Variants in CCDC66 observed in about 807,000 individuals in gnomAD.
CCDC66 encodes coiled-coil domain-containing protein 66.
In CCDC66, 133 loss-of-function variants were observed where a neutral mutation model predicts 128.3. That is an observed-to-expected ratio of 1.04 (90% CI 0.90 to 1.20). The LOEUF (loss-of-function observed/expected upper bound fraction) is 1.20, where lower values mean the gene tolerates loss of function less well. Ranked by LOEUF, CCDC66 falls within the 50% of genes most tolerant of loss-of-function variation. The pLI, the probability that CCDC66 is intolerant of heterozygous loss-of-function variation, is 0.00. For synonymous variants in CCDC66, 387 were observed against 357.0 expected (o/e 1.08, Z -0.95); for missense variants, 1,126 against 1,075.5 (o/e 1.05, Z -0.66).
rs769799381 is a variant in CCDC66 at position 56,615,132 on chromosome 3, T to A, written c.1571T>A (p.Ile524Asn). ...DILKQKQKEE[I>N]MTLKTNELFQ... ...GTAACACATCAATATTGACAGGAAA[T>A]CATGACTCTCAAGACAAATGAGCTA... is the stretch of plus-strand genomic sequence containing the variant. Residue 524 changes from isoleucine (I) to asparagine (N), a missense_variant, in exon 12 of 18, where the codon ATC becomes AAC. Ile to Asn is a moderately radical substitution (Grantham distance 149). Transcript: ENST00000394672. 12 of 1,613,180 alleles carry A rather than the reference T, an allele frequency of 7.4e-6. No individual in the cohort carries two copies. Among genetic ancestry groups the A allele is most frequent in the Admixed American group, 1.7e-5 (1 of 59,830 alleles).
chr3:56,619,204 T>G, intron 15 of CCDC66, 67 bp from the exon 16 acceptor site: 1 of 1,278,470 alleles, frequency 7.8e-7, no homozygotes. Context: ...ATAAATAAAG[T>G]GAAATGTGAT....
At chr3:56,605,262 C>T (rs1480086180) in intron 10 of CCDC66, among the ~76,000 whole-genome samples, 1 of 152,034 alleles carries the variant, frequency 6.6e-6, no homozygotes, top group Non-Finnish European at 1.5e-5. Flanking sequence ...CTTCTGAAGC[C>T]TTCTTCTGTC....
intron 10 of CCDC66, among the ~76,000 whole-genome samples, chr3:56,600,936 C>G (rs184583192): frequency 1.2e-4 from 18 of 152,134 alleles, no homozygotes; most frequent in Admixed American, 3.9e-4. Flanking sequence ...GTTGCCTGTT[C>G]ACTCTGATGA....
At chr3:56,571,942 A>G (rs1250535777) in intron 7 of CCDC66, among the ~76,000 whole-genome samples, 3 of 152,080 alleles carry the variant, frequency 2.0e-5, no homozygotes, top group African/African-American at 4.8e-5. Context: ...GCTGGTGTCA[A>G]ACTTCTGACC....
At chr3:56,614,223 A>G (rs1158724340) in intron 11 of CCDC66, among the ~76,000 whole-genome samples, 1 of 152,232 alleles carries the variant, frequency 6.6e-6, no homozygotes, top group African/African-American at 2.4e-5. Context: ...TTCACATGAT[A>G]TAGTTCTCAA....
chr3:56,587,716 A>G (rs572168292), intron 7 of CCDC66, among the ~76,000 whole-genome samples: 93 of 152,262 alleles, frequency 6.1e-4, no homozygotes, highest in African/African-American at 2.2e-3. Flanking sequence ...TAAAAATACA[A>G]AAATTAGCCA....
In CCDC66 at chr3:56,621,818, TAA is replaced by T. The variant is rs11401064; in HGVS notation, c.*218_*219del. On this transcript the variant is annotated 3_prime_UTR_variant, in exon 18 of 18. Transcript: ENST00000394672. ...TACTTCTTTTGTAAAAGCTTAGTAGTAAAAAAAAAAAAAAAAAAACCGGTTCT... is the reference window on the plus strand; with the variant it reads ...TACTTCTTTTGTAAAAGCTTAGTAGTAAAAAAAAAAAAAAAAACCGGTTCT... The T allele has an allele frequency of 1.5e-3, 200 of 133,976 alleles. No homozygotes were observed. Among genetic ancestry groups the T allele is most frequent in the East Asian group, 4.3e-3 (22 of 5,060 alleles). The allele number at this position is 133,976 out of a possible 1,614,324, so 8.3% of individuals were successfully genotyped here.
At chr3:56,599,306 G>A (rs540073870) in intron 10 of CCDC66, among the ~76,000 whole-genome samples, 65 of 151,560 alleles carry the variant, frequency 4.3e-4, no homozygotes, top group African/African-American at 1.5e-3. Context: ...TTCTCTCTTC[G>A]GTTCTTGGTT....
intron 3 of CCDC66, among the ~76,000 whole-genome samples, chr3:56,562,641 A>T (rs1333574970): frequency 6.6e-6 from 1 of 151,680 alleles, no homozygotes; most frequent in Admixed American, 6.6e-5. Context: ...ATATATATAT[A>T]TTTTGTTTGT....
Position 56,613,718 on chromosome 3 carries a change from G to A in CCDC66, c.1534G>A (p.Glu512Lys). ...QEREEMQKQY[E>K]EDILKQKQKE... ...ACGTGAAGAGATGCAGAAACAGTAT[G>A]AAGAAGACATACTTAAGCAAAAACA... is the stretch of plus-strand genomic sequence containing the variant. Residue 512 changes from glutamate to lysine, a missense_variant, in exon 11 of 18, where the codon GAA (glutamate) becomes AAA (lysine). Glu to Lys is a moderately conservative substitution (Grantham distance 56). Coordinates refer to ENST00000394672, the MANE Select transcript of CCDC66 (RefSeq NM_001141947.3). 2 of 1,612,260 alleles carry A rather than the reference G, an allele frequency of 1.2e-6. No homozygotes were observed. The highest frequency in any genetic ancestry group is 1.7e-6 in the Non-Finnish European group (2 of 1,179,460).
At chr3:56,576,923 T>C (rs2067475275) in intron 7 of CCDC66, among the ~76,000 whole-genome samples, 1 of 151,870 alleles carries the variant, frequency 6.6e-6, no homozygotes, top group Non-Finnish European at 1.5e-5. Context: ...TATAATCCTT[T>C]GGGTATATAC....
At chr3:56,620,399 C>CTGAT (rs1355503798) in intron 17 of CCDC66, 1 of 153,126 alleles carries the variant, frequency 6.5e-6, no homozygotes, top group African/African-American at 2.4e-5. Flanking sequence ...TTTTTGCTCT[C>CTGAT]TGATTAAAAC....
chr3:56,564,300 G>A, intron 4 of CCDC66, 175 bp downstream of exon 4: 1 of 547,634 alleles, frequency 1.8e-6, no homozygotes, highest in South Asian at 3.1e-5. Context: ...TATTTTTATA[G>A]TTGTGCCATA....
intron 7 of CCDC66, among the ~76,000 whole-genome samples, chr3:56,587,990 C>T (rs1185579125): frequency 6.6e-6 from 1 of 152,220 alleles, no homozygotes; most frequent in East Asian, 1.9e-4. Flanking sequence ...GATACTTGGA[C>T]ACACATTTAT....
At chr3:56,581,699 G>A (rs2068402200) in intron 7 of CCDC66, among the ~76,000 whole-genome samples, 1 of 151,824 alleles carries the variant, frequency 6.6e-6, no homozygotes, top group African/African-American at 2.4e-5. Flanking sequence ...CTGTTTGCCT[G>A]GGTATCACCA....
intron 7 of CCDC66, among the ~76,000 whole-genome samples, chr3:56,575,309 T>C (rs1189790695): frequency 6.6e-6 from 1 of 151,852 alleles, no homozygotes; most frequent in Admixed American, 6.6e-5. Flanking sequence ...AATGGTATCA[T>C]TGTGGTTTTC....
intron 15 of CCDC66, chr3:56,618,452 T>A (rs79211940): frequency 0.15 from 62,939 of 423,998 alleles, 5,791 homozygotes; most frequent in South Asian, 0.35. Flanking sequence ...TCTCTAGACT[T>A]AACTAAGTGA....
chr3:56,615,361 C>T (rs551612354), intron 12 of CCDC66, 89 bp downstream of exon 12: 1 of 1,311,618 alleles, frequency 7.6e-7, no homozygotes, highest in Non-Finnish European at 1.0e-6. Context: ...GACAAGGACT[C>T]ATTCTGTTGC....
intron 4 of CCDC66, among the ~76,000 whole-genome samples, chr3:56,566,118 T>TTTGTTTTGTTTTGTTTTGTTTTGTC (rs2065821086): frequency 6.6e-6 from 1 of 151,612 alleles, no homozygotes; most frequent in Non-Finnish European, 1.5e-5. Flanking sequence ...TTTGTTTTGT[T>TTTGTTTTGTTTTGTTTTGTTTTGTC]TTGTTTTGTT....
Sources: gnomAD v4.1 joint callset for allele counts (sites outside exome capture counted in the v4.1 genomes callset) on GRCh38, gnomAD v4.1.1 for gene constraint, MANE v1.5 for transcripts, NCBI Gene and HGNC (gene_info 2026-07-23, HGNC 2026-07-21) for gene names.